PCSK5: variants seen among roughly 807,000 people sequenced by gnomAD.
PCSK5 encodes prohormone convertase 5.
A neutral mutation model predicts 233.2 loss-of-function variants in PCSK5; 129 were observed. The ratio of observed to expected loss-of-function variants is 0.55; its 90% CI spans 0.48 to 0.64. PCSK5 has a LOEUF of 0.64. Among genes scored for constraint, PCSK5 ranks in the 30% least tolerant of loss-of-function variants. The probability of loss-of-function intolerance (pLI) is 0.00; values close to 1 mark genes in which losing one functional copy is unlikely to be tolerated. For synonymous variants in PCSK5, 825 were observed against 879.2 expected, an observed-to-expected ratio of 0.94 and a Z score of 1.09; for missense variants, 2,076 against 2,430.1, an observed-to-expected ratio of 0.85 and a Z score of 3.06.
intron 20 of PCSK5, among the ~76,000 whole-genome samples, chr9:76,226,770 A>T (rs1825907494): frequency 6.6e-6 from 1 of 152,162 alleles, no homozygotes; most frequent in Non-Finnish European, 1.5e-5. Context: ...GTAGAGGCCC[A>T]TCTTTGAGTC....
At chr9:76,183,515 C>G (rs1239763084) in intron 16 of PCSK5, among the ~76,000 whole-genome samples, 1 of 152,200 alleles carries the variant, frequency 6.6e-6, no homozygotes, top group African/African-American at 2.4e-5. Context: ...ACATTGTAAT[C>G]TCATTTTAAT....
Position 76,359,431 on chromosome 9 carries a change from A to C in PCSK5, c.*509A>C, listed in dbSNP as rs150911032. On this transcript the variant is annotated 3_prime_UTR_variant, in exon 38 of 38. Transcript: ENST00000674117. ...TCTTTAGGCAGAAATTTGTTTTGTA[A>C]GGGCCAAGAAAAGAGGGCTCTTATC... The C allele has an allele frequency of 8.7e-5, 14 of 161,546 alleles. No homozygotes were observed. In the East Asian group the frequency reaches 2.4e-3, roughly 28 times the overall value. The allele number at this position is 161,546 out of a possible 1,614,324, so 10.0% of individuals were successfully genotyped here.
At chr9:76,345,396 C>G (rs2131509142) in intron 35 of PCSK5, among the ~76,000 whole-genome samples, 1 of 151,766 alleles carries the variant, frequency 6.6e-6, no homozygotes, top group South Asian at 2.1e-4. Context: ...CCACCCCTGG[C>G]TTATTTTCGT....
chr9:76,346,339 C>T (rs1829980605), intron 35 of PCSK5, among the ~76,000 whole-genome samples: 1 of 152,014 alleles, frequency 6.6e-6, no homozygotes, highest in African/African-American at 2.4e-5. Flanking sequence ...TTTGAGATTT[C>T]CTGGGTGAAT....
At chr9:76,282,075 T>TTTC (rs563215268) in intron 24 of PCSK5, among the ~76,000 whole-genome samples, 5 of 139,726 alleles carry the variant, frequency 3.6e-5, no homozygotes, top group African/African-American at 1.3e-4. Context: ...TTTTTTTTTT[T>TTTC]CCCCACTCTG....
At chr9:75,976,478 CA>C (rs1360299133) in intron 2 of PCSK5, among the ~76,000 whole-genome samples, 1 of 151,772 alleles carries the variant, frequency 6.6e-6, no homozygotes, top group Non-Finnish European at 1.5e-5. Context: ...TTACTTGAGA[CA>C]AATATAAAAT....
intron 5 of PCSK5, among the ~76,000 whole-genome samples, chr9:76,050,106 C>T (rs1232626144): frequency 6.6e-6 from 1 of 152,004 alleles, no homozygotes; most frequent in East Asian, 1.9e-4. Context: ...GTAGTTGGTA[C>T]TTGATAGATA....
rs138793614 is a variant in PCSK5, at chr9:76,150,813, G to A, written c.1313-6232G>A. ...CTTTCGCACTGAAATATAAGAGTACGCGAAGAAGAGGTAGCGGAGGAAGGG... is the reference window on the plus strand; with the variant it reads ...CTTTCGCACTGAAATATAAGAGTACACGAAGAAGAGGTAGCGGAGGAAGGG... On this transcript the variant is annotated intron_variant, in intron 10 of 37. Transcript: ENST00000674117. Among the ~76,000 whole-genome samples the A allele has an allele frequency of 8.0e-3, 1,217 of 152,170 alleles. 15 individuals are homozygous for A. The highest frequency in any genetic ancestry group is 9.5e-3 in the Non-Finnish European group (643 of 68,004).
At chr9:76,190,783 CA>C (rs1293785553) in intron 20 of PCSK5, among the ~76,000 whole-genome samples, 1 of 152,132 alleles carries the variant, frequency 6.6e-6, no homozygotes, top group Non-Finnish European at 1.5e-5. Context: ...CTTAATATTT[CA>C]AAATGTTGGT....
intron 36 of PCSK5, 91 bp from the exon 37 acceptor site, chr9:76,353,940 CCT>C: frequency 1.1e-6 from 1 of 875,300 alleles, no homozygotes; most frequent in Non-Finnish European, 1.8e-6. Context: ...ACATCTCCCT[CCT>C]TATGAAGACA....
intron 7 of PCSK5, among the ~76,000 whole-genome samples, chr9:76,082,382 G>A (rs1362593621): frequency 1.3e-5 from 2 of 152,180 alleles, no homozygotes; most frequent in Non-Finnish European, 2.9e-5. Flanking sequence ...GATGACCCCA[G>A]GGTTTGTGTC....
At chr9:75,965,261 A>ATGTG (rs71372035) in intron 2 of PCSK5, among the ~76,000 whole-genome samples, 4,666 of 149,758 alleles carry the variant, frequency 0.031, 94 homozygotes, top group African/African-American at 0.059. Context: ...ATGTGTGTAT[A>ATGTG]TGTGTGTGTG....
At chr9:76,216,485 G>GTAA (rs1825537638) in intron 20 of PCSK5, among the ~76,000 whole-genome samples, 1 of 152,164 alleles carries the variant, frequency 6.6e-6, no homozygotes, top group African/African-American at 2.4e-5. Flanking sequence ...AGATCAGTGA[G>GTAA]TGTCACAAAC....
At chr9:76,299,194 A>G (rs968661927) in intron 27 of PCSK5, among the ~76,000 whole-genome samples, 5 of 152,226 alleles carry the variant, frequency 3.3e-5, no homozygotes, top group Admixed American at 6.5e-5. Flanking sequence ...TCCTCCACCT[A>G]TCAGACAATG....
intron 3 of PCSK5, among the ~76,000 whole-genome samples, chr9:75,991,739 C>T (rs1205890918): frequency 6.6e-6 from 1 of 152,012 alleles, no homozygotes; most frequent in African/African-American, 2.4e-5. Flanking sequence ...TACAGTGGCC[C>T]GTTTTTTCAC....
chr9:76,290,560 G>A (rs1192530922), intron 24 of PCSK5, among the ~76,000 whole-genome samples: 1 of 152,148 alleles, frequency 6.6e-6, no homozygotes. Flanking sequence ...TCTACCCCAA[G>A]GAGCTTAACA....
chr9:76,227,869 G>A (rs1825947063), intron 21 of PCSK5, among the ~76,000 whole-genome samples: 1 of 152,028 alleles, frequency 6.6e-6, no homozygotes, highest in South Asian at 2.1e-4. Flanking sequence ...TGCCTTTGAT[G>A]CCTGAAATCT....
chr9:76,134,596 T>C (rs139902843), intron 10 of PCSK5, among the ~76,000 whole-genome samples: 25 of 152,198 alleles, frequency 1.6e-4, no homozygotes, highest in African/African-American at 5.5e-4. Context: ...CTGATATATA[T>C]TGTTCACTTT....
At chr9:76,107,431 C>G in intron 9 of PCSK5, 80 bp downstream of exon 9, 1 of 748,254 alleles carries the variant, frequency 1.3e-6, no homozygotes, top group Non-Finnish European at 2.2e-6. Flanking sequence ...TTGTATAGGA[C>G]CCCTAGCATG....
Sources: gnomAD v4.1 joint callset for allele counts (sites outside exome capture counted in the v4.1 genomes callset) on GRCh38, gnomAD v4.1.1 for gene constraint, MANE v1.5 for transcripts, NCBI Gene and HGNC (gene_info 2026-07-23, HGNC 2026-07-21) for gene names.